Variants in TANGO6 observed in about 807,000 individuals in gnomAD.
TANGO6 encodes transport and golgi organization 6 homolog, also known as transport and Golgi organization protein 6 homolog.
Under a neutral mutation model 114.2 loss-of-function variants are expected in TANGO6, and 90 were observed. The ratio of observed to expected loss-of-function variants is 0.79; its 90% confidence interval spans 0.66 to 0.94. The LOEUF (loss-of-function observed/expected upper bound fraction) is 0.94. Ranked by LOEUF, TANGO6 falls within the 40% of genes least tolerant of loss-of-function variation. TANGO6 has a pLI of 0.00. For synonymous variants in TANGO6, 477 were observed against 509.8 expected (o/e 0.94, Z 0.87); for missense variants, 1,274 against 1,315.3 (o/e 0.97, Z 0.49).
intron 15 of TANGO6, among the ~76,000 whole-genome samples, chr16:68,993,146 A>C (rs1353678943): frequency 6.6e-6 from 1 of 152,166 alleles, no homozygotes; most frequent in Non-Finnish European, 1.5e-5. Flanking sequence ...TGGATATTGC[A>C]GTTCTTTTCT....
chr16:68,921,031 AGGCGGAGGTTGCAGTG>A (rs1332703377), intron 12 of TANGO6, among the ~76,000 whole-genome samples: 11 of 139,234 alleles, frequency 7.9e-5, no homozygotes, highest in Non-Finnish European at 1.7e-4. Context: ...TGAACCTGGG[AGGCGGAGGTTGCAGTG>A]GGCGGAGGTT....
At chr16:68,922,241 T>TTA (rs1963103300) in intron 12 of TANGO6, among the ~76,000 whole-genome samples, 1 of 147,550 alleles carries the variant, frequency 6.8e-6, no homozygotes, top group South Asian at 2.1e-4. Context: ...AAAAACAAAA[T>TTA]TAAAAAAAAA....
At position 68,980,383 on chromosome 16, in the gene TANGO6, T is replaced by TTCTCTCTCTCTC. The variant is rs143061953; in HGVS notation, c.2842+6231_2842+6242dup. Reference sequence around the variant, plus strand: ...TGAGTATGAATCTATCTGTCTGTCATTCTCTCTCTCTCTCTCTCTCTCTCT... The same window carrying TTCTCTCTCTCTC: ...TGAGTATGAATCTATCTGTCTGTCATTCTCTCTCTCTCTCTCTCTCTCTCTCTCTCTCTCTCT... On this transcript the variant is annotated intron_variant, in intron 15 of 17. Transcript: ENST00000261778. Among the ~76,000 whole-genome samples the TTCTCTCTCTCTC allele has an allele frequency of 3.3e-3, 120 of 36,792 alleles. 3 individuals carry two copies. Among genetic ancestry groups the TTCTCTCTCTCTC allele is most frequent in the Middle Eastern group, 0.015 (1 of 66 alleles). The allele number at this position is 36,792 out of a possible 152,430, so 24.1% of individuals were successfully genotyped here. A position where few individuals can be genotyped will look rare whatever the true frequency, so the allele number is the denominator to read the frequency against.
chr16:69,011,021 T>C (rs550974607), intron 15 of TANGO6, among the ~76,000 whole-genome samples: 20 of 152,242 alleles, frequency 1.3e-4, no homozygotes, highest in Non-Finnish European at 2.9e-4. Flanking sequence ...CATATGTGTG[T>C]TTGAGAAACA....
intron 17 of TANGO6, among the ~76,000 whole-genome samples, chr16:69,059,908 A>G (rs1028898926): frequency 1.3e-5 from 2 of 152,124 alleles, no homozygotes; most frequent in Non-Finnish European, 2.9e-5. Context: ...ACTCCTTTGC[A>G]TGACATACAA....
At chr16:69,061,791 G>A (rs1597076123) in intron 17 of TANGO6, among the ~76,000 whole-genome samples, 2 of 152,072 alleles carry the variant, frequency 1.3e-5, no homozygotes, top group East Asian at 1.9e-4. Flanking sequence ...AGGCCGAGGC[G>A]GGCGGATCAC....
intron 17 of TANGO6, among the ~76,000 whole-genome samples, chr16:69,082,881 C>G (rs1352247982): frequency 6.6e-6 from 1 of 152,136 alleles, no homozygotes; most frequent in Non-Finnish European, 1.5e-5. Flanking sequence ...GCAGTCTTGC[C>G]TGTCTGTGGT....
intron 14 of TANGO6, among the ~76,000 whole-genome samples, chr16:68,943,392 C>G (rs975579086): frequency 4.9e-5 from 7 of 143,264 alleles, no homozygotes; most frequent in Admixed American, 2.1e-4. Flanking sequence ...GAGACAGAGT[C>G]TCGCTCTGTC....
At chr16:68,990,467 A>T (rs140189583) in intron 15 of TANGO6, among the ~76,000 whole-genome samples, 3,189 of 152,296 alleles carry the variant, frequency 0.021, 118 homozygotes, top group African/African-American at 0.073. Context: ...CCCATGATTC[A>T]GTTATCTCCC....
chr16:68,881,941 G>A (rs560382433), intron 7 of TANGO6, among the ~76,000 whole-genome samples: 18 of 152,138 alleles, frequency 1.2e-4, no homozygotes, highest in East Asian at 5.8e-4. Context: ...GAGGCCAGGA[G>A]TTCAAGACCA....
intron 17 of TANGO6, among the ~76,000 whole-genome samples, chr16:69,062,344 C>T (rs1960130426): frequency 6.6e-6 from 1 of 152,162 alleles, no homozygotes; most frequent in African/African-American, 2.4e-5. Context: ...TTGCAGTCTC[C>T]TAGCCAGTGT....
rs1331739316 is a variant in TANGO6 at position 68,860,202 on chromosome 16, G to C, written c.413G>C (p.Ser138Thr). 6.2e-7 allele frequency: 1 copy of C among 1,614,006 alleles called. No individual in the cohort carries two copies. The highest frequency in any genetic ancestry group is 1.7e-5 in the Admixed American group (1 of 60,016). Reference sequence around the variant, plus strand: ...CCTGCCCTGAGCCCCGATGCACTTAGTATCTCACAACAGAAGACTGTCCAG... The same window carrying C: ...CCTGCCCTGAGCCCCGATGCACTTACTATCTCACAACAGAAGACTGTCCAG... The part of the protein sequence containing the change: ...VAPALSPDAL[S>T]ISQQKTVQFV... Residue 138 changes from serine (S) to threonine (T), a missense_variant, in exon 2 of 18, where the codon AGT becomes ACT. By Grantham distance (58) the Ser-to-Thr change is moderately conservative. This residue lies in a region of TANGO6 where 908 missense variants were observed against 910.2 expected (regional missense o/e 1.00). Coordinates refer to ENST00000261778, the MANE Select transcript of TANGO6 (RefSeq NM_024562.2).
chr16:69,019,283 T>C (rs909243569), intron 15 of TANGO6, among the ~76,000 whole-genome samples: 44 of 152,136 alleles, frequency 2.9e-4, no homozygotes, highest in African/African-American at 1.0e-3. Flanking sequence ...GGTCAAAGAG[T>C]CTGAGATGAC....
At chr16:69,013,752 G>A (rs1192134804) in intron 15 of TANGO6, among the ~76,000 whole-genome samples, 1 of 151,514 alleles carries the variant, frequency 6.6e-6, no homozygotes, top group Non-Finnish European at 1.5e-5. Flanking sequence ...CACCTCCTGG[G>A]CTCAAGCAAT....
chr16:68,853,921 T>C (rs1961943081), intron 1 of TANGO6, among the ~76,000 whole-genome samples: 1 of 152,234 alleles, frequency 6.6e-6, no homozygotes, highest in Non-Finnish European at 1.5e-5. Context: ...GTCATTTGAA[T>C]AACTTCTTTT....
chr16:69,080,746 A>G (rs1960451512), intron 17 of TANGO6, among the ~76,000 whole-genome samples: 1 of 152,204 alleles, frequency 6.6e-6, no homozygotes, highest in Non-Finnish European at 1.5e-5. Context: ...AAATAAGAAC[A>G]CAGGCTCTGG....
chr16:69,012,561 AAAAAAAAAAAAAAAAAAGG>A (rs1332152373), intron 15 of TANGO6, among the ~76,000 whole-genome samples: 1 of 145,560 alleles, frequency 6.9e-6, no homozygotes. Flanking sequence ...TGTCTCAAAA[AAAAAAAAAAAAAAAAAAGG>A]AAAAAAAAAA....
chr16:69,083,536 T>A lies in TANGO6; in HGVS notation c.3160T>A (p.Cys1054Ser). Residue 1054 changes from cysteine to serine, a missense_variant, in exon 18 of 18, where the codon TGT (cysteine) becomes AGT (serine). Around this residue, in one of 5 missense-constraint regions of TANGO6, gnomAD observed 238 missense variants for 252.9 expected, o/e 0.94. Transcript: ENST00000261778. The stretch of plus-strand genomic sequence containing the variant: ...CTACCACCTGCTGAAGCACGTAGTG[T>A]GTCTGGAGCCCGATGACGTGGCCAA... ...DLYHLLKHVV[C>S]LEPDDVAKLH... 2.5e-6 allele frequency: 4 copies of A among 1,612,476 alleles called. No individual in the cohort carries two copies. The highest frequency in any genetic ancestry group is 3.4e-6 in the Non-Finnish European group (4 of 1,179,308).
At chr16:68,987,358 G>A (rs1260364119) in intron 15 of TANGO6, among the ~76,000 whole-genome samples, 1 of 152,092 alleles carries the variant, frequency 6.6e-6, no homozygotes, top group African/African-American at 2.4e-5. Context: ...TGCTGTTGTT[G>A]TTGCTGTTGT....
Sources: allele counts gnomAD v4.1 joint callset (sites outside exome capture counted in the v4.1 genomes callset), GRCh38; gene constraint gnomAD v4.1.1; regional missense constraint gnomAD v4.1.1; transcripts MANE v1.5; gene names NCBI Gene and HGNC (gene_info 2026-07-23, HGNC 2026-07-21).